Variants in ERGIC1 observed in about 807,000 individuals in gnomAD.
ERGIC1 encodes endoplasmic reticulum-golgi intermediate compartment 1.
A neutral mutation model predicts 38.3 loss-of-function variants in ERGIC1; 19 were observed. The observed-to-expected ratio is 0.50, with a 90% CI of 0.35 to 0.73. The LOEUF is 0.73. Ranked by LOEUF, ERGIC1 falls within the 30% of genes least tolerant of loss-of-function variation. The pLI is 0.01. For missense variants in ERGIC1, 294 were observed against 389.2 expected, an observed-to-expected ratio of 0.76 and a Z score of 2.06; for synonymous variants, 124 against 157.6, an observed-to-expected ratio of 0.79 and a Z score of 1.60.
intron 1 of ERGIC1, among the ~76,000 whole-genome samples, chr5:172,868,913 T>A (rs1457883600): frequency 6.6e-6 from 1 of 152,252 alleles, no homozygotes; most frequent in African/African-American, 2.4e-5. Context: ...AGGTTCACGA[T>A]GCACTTGGTG....
At chr5:172,851,955 C>G (rs114897367) in intron 1 of ERGIC1, among the ~76,000 whole-genome samples, 5,620 of 152,128 alleles carry the variant, frequency 0.037, 165 homozygotes, top group Admixed American at 0.058. Context: ...GAGATTTGCC[C>G]GAGATCGTCT....
intron 1 of ERGIC1, among the ~76,000 whole-genome samples, chr5:172,884,453 T>C (rs1430207185): frequency 3.9e-5 from 6 of 152,044 alleles, no homozygotes; most frequent in Non-Finnish European, 7.4e-5. Context: ...TGAGGTCTTG[T>C]TATGTTGCCC....
intron 4 of ERGIC1, among the ~76,000 whole-genome samples, chr5:172,914,140 C>A (rs1289430230): frequency 6.8e-6 from 1 of 147,390 alleles, no homozygotes; most frequent in Non-Finnish European, 1.5e-5. Flanking sequence ...GAGGCTGAGG[C>A]AGGAGAATTG....
intron 7 of ERGIC1, among the ~76,000 whole-genome samples, chr5:172,929,572 T>C (rs776048326): frequency 6.6e-6 from 1 of 152,152 alleles, no homozygotes; most frequent in Admixed American, 6.5e-5. Flanking sequence ...ATTGTACTCA[T>C]AGGAGAGTAA....
At chr5:172,893,939 A>ATATATATATATATATATATATATG (rs1249616716) in intron 2 of ERGIC1, among the ~76,000 whole-genome samples, 56 of 35,796 alleles carry the variant, frequency 1.6e-3, no homozygotes, top group African/African-American at 2.8e-3. Flanking sequence ...GTGTGTGTAT[A>ATATATATATATATATATATATATG]TATATATATA....
At chr5:172,877,490 G>A (rs1398912302) in intron 1 of ERGIC1, among the ~76,000 whole-genome samples, 3 of 80,504 alleles carry the variant, frequency 3.7e-5, no homozygotes, top group African/African-American at 9.7e-5. Context: ...ATGGAGTTTT[G>A]CTCTTGTTGC....
chr5:172,947,318 G>A (rs1764145326), intron 9 of ERGIC1, among the ~76,000 whole-genome samples: 1 of 152,154 alleles, frequency 6.6e-6, no homozygotes. Flanking sequence ...AGAGTAGCTG[G>A]GACTACAGCC....
At chr5:172,917,113 G>A (rs373526035) in intron 5 of ERGIC1, 6 of 152,330 alleles carry the variant, frequency 3.9e-5, no homozygotes, top group Non-Finnish European at 8.8e-5. Context: ...AATCGGATGT[G>A]GGGGTAAGGG....
chr5:172,944,105 C>A (rs1764068134), intron 9 of ERGIC1, among the ~76,000 whole-genome samples: 1 of 152,192 alleles, frequency 6.6e-6, no homozygotes. Context: ...CTCACTGGGG[C>A]CCAGGTATTG....
At chr5:172,888,559 A>C (rs1316078271) in intron 1 of ERGIC1, 140 bp from the exon 2 acceptor site, 10 of 724,452 alleles carry the variant, frequency 1.4e-5, no homozygotes, top group Non-Finnish European at 2.5e-5. Context: ...TCTTGGAGAA[A>C]GTGTCCTGAA....
At chr5:172,930,054 G>A (rs1763740487) in intron 7 of ERGIC1, among the ~76,000 whole-genome samples, 1 of 152,138 alleles carries the variant, frequency 6.6e-6, no homozygotes, top group African/African-American at 2.4e-5. Flanking sequence ...CAGGCGTGGT[G>A]GCAGGCGCCT....
chr5:172,852,512 C>T (rs992210986), intron 1 of ERGIC1, among the ~76,000 whole-genome samples: 1 of 152,222 alleles, frequency 6.6e-6, no homozygotes, highest in Non-Finnish European at 1.5e-5. Flanking sequence ...TGATTAAGAG[C>T]TTGATCTCCA....
At chr5:172,847,734 C>T (rs543374891) in intron 1 of ERGIC1, among the ~76,000 whole-genome samples, 7 of 152,278 alleles carry the variant, frequency 4.6e-5, no homozygotes, top group Non-Finnish European at 7.3e-5. Flanking sequence ...AGGATGGTCT[C>T]GATCCGTTGA....
intron 3 of ERGIC1, chr5:172,897,945 T>G (rs1762764389): frequency 2.4e-6 from 1 of 413,512 alleles, no homozygotes; most frequent in Admixed American, 4.4e-5. Context: ...TAGTAAACGC[T>G]CTGGGGTGTG....
chr5:172,923,191 GGGAGGA>G, intron 5 of ERGIC1, among the ~76,000 whole-genome samples: 1 of 94,834 alleles, frequency 1.1e-5, no homozygotes, highest in South Asian at 3.5e-4. Flanking sequence ...CTGAGCATCT[GGGAGGA>G]GGAGGAGGAG....
At position 172,893,868 on chromosome 5, in the gene ERGIC1, GATATATATATAT is replaced by G. The variant is rs1191189327; in HGVS notation, c.83-3107_83-3096del. On this transcript the variant is annotated intron_variant, in intron 2 of 9. Transcript: ENST00000393784. ...CATTACGCTGCTGTTCACTTAGGGGGATATATATATATATATATATATATATATATATATATA... is the reference window on the plus strand; with the variant it reads ...CATTACGCTGCTGTTCACTTAGGGGGATATATATATATATATATATATATA... Among the ~76,000 whole-genome samples, 22 of 28,252 alleles carry G rather than the reference GATATATATATAT, an allele frequency of 7.8e-4. 2 individuals are homozygous for G. Among genetic ancestry groups the G allele is most frequent in the South Asian group, 6.9e-3 (3 of 432 alleles). 18.5% of individuals were successfully genotyped at this position (28,252 alleles called of 152,430 possible).
intron 1 of ERGIC1, among the ~76,000 whole-genome samples, chr5:172,845,103 G>A (rs1347080055): frequency 1.3e-5 from 2 of 152,150 alleles, no homozygotes. Context: ...TAAGTCCCAA[G>A]TGCCTGTCTC....
chr5:172,861,296 C>T (rs1007611563), intron 1 of ERGIC1, among the ~76,000 whole-genome samples: 15 of 152,224 alleles, frequency 9.9e-5, no homozygotes, highest in Middle Eastern at 3.2e-3. Context: ...CTGCCCTGAC[C>T]TCACCCAGCC....
In ERGIC1 at chr5:172,922,207, GCTCTCGACATGTGAC is replaced by G. The variant is rs1318205662; in HGVS notation, c.376-1795_376-1781del. 4 of 152,390 alleles carry G rather than the reference GCTCTCGACATGTGAC, an allele frequency of 2.6e-5. No homozygotes were observed. The East Asian group carries it at 7.7e-4, about 29-fold the overall frequency. 9.4% of individuals were successfully genotyped at this position (152,390 alleles called of 1,614,324 possible). On this transcript the variant is annotated intron_variant, in intron 5 of 9. Transcript: ENST00000393784. The stretch of plus-strand genomic sequence containing the variant: ...CCAACAGACGTGAGCTGAGACTGCA[GCTCTCGACATGTGAC>G]CTTAGCAAGTTTCTTCACTGCTCTG...
Sources: allele counts gnomAD v4.1 joint callset (sites outside exome capture counted in the v4.1 genomes callset), GRCh38; gene constraint gnomAD v4.1.1; transcripts MANE v1.5; gene names NCBI Gene and HGNC (gene_info 2026-07-23, HGNC 2026-07-21).